CCDC157: variants seen among roughly 807,000 people sequenced by gnomAD.
The protein encoded by CCDC157 is coiled-coil domain-containing protein 157.
Under a neutral mutation model 70.9 loss-of-function variants are expected in CCDC157, and 60 were observed. The observed-to-expected ratio is 0.85, with a 90% confidence interval of 0.69 to 1.05. The LOEUF is 1.05. Among genes scored for constraint, CCDC157 ranks in the 50% least tolerant of loss-of-function variants. CCDC157 has a pLI of 0.00. For synonymous variants in CCDC157, 373 were observed against 422.4 expected, an observed-to-expected ratio of 0.88 and a Z score of 1.43; for missense variants, 943 against 984.2, an observed-to-expected ratio of 0.96 and a Z score of 0.56.
chr22:30,366,258 T>C lies in CCDC157; in HGVS notation c.248+10T>C. 6.2e-7 allele frequency: 1 copy of C among 1,613,562 alleles called. No homozygotes were observed. Among genetic ancestry groups the C allele is most frequent in the Non-Finnish European group, 8.5e-7 (1 of 1,179,760 alleles). On this transcript the variant is annotated intron_variant, in intron 3 of 11. Transcript: ENST00000338306. ...AGCTGGTCATCGACAGGTGAGGGCC[T>C]TGACCAAGCCTGGTCATCTCAGGAT...
In CCDC157 at chr22:30,377,926, C is replaced by T. The variant is rs529360873; in HGVS notation, c.*1181C>T. 1.7e-4 allele frequency: 58 copies of T among 346,080 alleles called. No individual in the cohort carries two copies. The Admixed American group carries it at 1.9e-3, about 11-fold the overall frequency. 21.4% of individuals were successfully genotyped at this position (346,080 alleles called of 1,614,324 possible). A position where few individuals can be genotyped will look rare whatever the true frequency, so the allele number is the denominator to read the frequency against. On this transcript the variant is annotated 3_prime_UTR_variant, in exon 12 of 12. Coordinates refer to ENST00000338306, the MANE Select transcript of CCDC157 (RefSeq NM_001017437.5). The stretch of plus-strand genomic sequence containing the variant: ...TCTGTGTGGCTGGGTTTTTTTGCTC[C>T]GGGTCCCAGAGGGCTGAAATTGAGG...
chr22:30,372,487 GC>G, intron 7 of CCDC157: 1 of 653,162 alleles, frequency 1.5e-6, no homozygotes, highest in Non-Finnish European at 2.4e-6. Flanking sequence ...GACTGATACT[GC>G]CCAGTGAGGC....
chr22:30,367,423 A>C (rs1169460923), intron 3 of CCDC157, among the ~76,000 whole-genome samples: 2 of 152,002 alleles, frequency 1.3e-5, no homozygotes, highest in African/African-American at 4.8e-5. Context: ...TTTTTAGTGG[A>C]GACGGGGTTT....
upstream of CCDC157, chr22:30,356,943 G>T: frequency 1.6e-6 from 1 of 612,294 alleles, no homozygotes; most frequent in Non-Finnish European, 2.4e-6. Context: ...CGCACTTCCG[G>T]GACCGTCCCC....
chr22:30,358,918 T>G (rs1429616994), intron 1 of CCDC157, among the ~76,000 whole-genome samples: 1 of 152,240 alleles, frequency 6.6e-6, no homozygotes, highest in Non-Finnish European at 1.5e-5. Context: ...TCTTAAACTA[T>G]GCTTGTATCT....
chr22:30,375,829 T>C, intron 10 of CCDC157, 166 bp downstream of exon 10: 1 of 645,074 alleles, frequency 1.6e-6, no homozygotes, highest in South Asian at 2.0e-5. Flanking sequence ...CGTGAGGATG[T>C]TATGGATCCG....
At chr22:30,369,365 G>A (rs1006441494) in intron 3 of CCDC157, 67 bp from the exon 4 acceptor site, 19 of 1,323,432 alleles carry the variant, frequency 1.4e-5, no homozygotes, top group East Asian at 2.8e-5. Context: ...CCAGAGCTGC[G>A]GTTGTATGGT....
intron 9 of CCDC157, chr22:30,374,592 C>G: frequency 4.4e-6 from 2 of 457,480 alleles, no homozygotes; most frequent in Non-Finnish European, 8.8e-6. Context: ...CCTCCAGACC[C>G]CTAAAGCACT....
intron 7 of CCDC157, chr22:30,372,588 C>A: frequency 3.3e-6 from 1 of 302,858 alleles, no homozygotes. Context: ...GAGGGATGGC[C>A]ACATCTGCCA....
At chr22:30,358,778 C>T (rs1352660349) in intron 1 of CCDC157, among the ~76,000 whole-genome samples, 1 of 152,216 alleles carries the variant, frequency 6.6e-6, no homozygotes, top group Admixed American at 6.5e-5. Context: ...TCAATTAGTG[C>T]TGTCACCTAT....
chr22:30,373,493 G>T lies in CCDC157; in HGVS notation c.1336-104G>T, dbSNP rs1933092521. The T allele has an allele frequency of 1.4e-5, 18 of 1,274,244 alleles. No individual in the cohort carries two copies. The East Asian group carries it at 4.3e-4, about 31-fold the overall frequency. 78.9% of individuals were successfully genotyped at this position (1,274,244 alleles called of 1,614,324 possible). On this transcript the variant is annotated intron_variant, in intron 7 of 11. Coordinates refer to ENST00000338306, the MANE Select transcript of CCDC157 (RefSeq NM_001017437.5). ...TAGACACAGACACACACCCCAGGGGGGTAGCAGCCGAGGGGTAGTAGATGC... is the reference window on the plus strand; with the variant it reads ...TAGACACAGACACACACCCCAGGGGTGTAGCAGCCGAGGGGTAGTAGATGC...
Position 30,373,769 on chromosome 22 carries a change from G to A in CCDC157, c.1503+5G>A, listed in dbSNP as rs1348167233. On this transcript the variant is annotated splice_donor_5th_base_variant and intron_variant, in intron 8 of 11. Coordinates refer to ENST00000338306, the MANE Select transcript of CCDC157 (RefSeq NM_001017437.5). ...TGCCAGCTCAGGGCCCAGCAGGTGA[G>A]GGTGGGGGTCTTCCTTTTTGCCAGA... 4 of 1,546,948 alleles carry A rather than the reference G, an allele frequency of 2.6e-6. No individual in the cohort carries two copies. The highest frequency in any genetic ancestry group is 2.6e-6 in the Non-Finnish European group (3 of 1,144,714).
chr22:30,373,803 C>A (rs773532163), intron 8 of CCDC157, 39 bp downstream of exon 8: 5 of 1,534,646 alleles, frequency 3.3e-6, no homozygotes, highest in Non-Finnish European at 4.4e-6. Flanking sequence ...GAGAAGTCTC[C>A]GGCCAACTGA....
Position 30,370,946 on chromosome 22 carries a change from C to A in CCDC157, c.1041C>A (p.Leu347=). The A allele has an allele frequency of 6.2e-7, 1 of 1,606,942 alleles. No homozygotes were observed. Among genetic ancestry groups the A allele is most frequent in the South Asian group, 1.1e-5 (1 of 90,228 alleles). The change falls in exon 5 of 12, where the codon CTC becomes CTA. Residue 347 remains leucine (L), a synonymous_variant. Coordinates refer to ENST00000338306, the MANE Select transcript of CCDC157 (RefSeq NM_001017437.5). ...SEWEHDKQQL[L]TETSDLKTKM... is the part of the protein sequence containing the mutation. Reference sequence around the variant, plus strand: ...GGGAGCACGACAAACAGCAGCTGCTCACAGGTCTGTGCCCCAGAGGCCAGA... The same window carrying A: ...GGGAGCACGACAAACAGCAGCTGCTAACAGGTCTGTGCCCCAGAGGCCAGA...
intron 3 of CCDC157, 143 bp from the exon 4 acceptor site, chr22:30,369,289 A>G: frequency 1.4e-6 from 1 of 706,814 alleles, no homozygotes; most frequent in Non-Finnish European, 2.1e-6. Context: ...TTAGGTTTGA[A>G]GCTGGCCCAG....
At chr22:30,362,881 G>A (rs557191008) in intron 2 of CCDC157, among the ~76,000 whole-genome samples, 2 of 152,306 alleles carry the variant, frequency 1.3e-5, no homozygotes, top group South Asian at 4.1e-4. Context: ...GAGGGTGGTT[G>A]GTGGGGAGGA....
At position 30,369,511 on chromosome 22, in the gene CCDC157, G is replaced by A; in HGVS notation, c.328G>A (p.Ala110Thr). 1 of 1,608,026 alleles carries A rather than the reference G, an allele frequency of 6.2e-7. No individual in the cohort carries two copies. The highest frequency in any genetic ancestry group is 2.3e-5 in the East Asian group (1 of 44,310). ...SEQMMPPAQA[A>T]GPCMSVGLTV... The stretch of plus-strand genomic sequence containing the variant: ...GCAGATGATGCCCCCTGCACAGGCT[G>A]CGGGGCCCTGCATGTCCGTGGGGCT... Residue 110 changes from alanine to threonine, a missense_variant, in exon 4 of 12, where the codon GCG becomes ACG. Ala to Thr is a moderately conservative substitution (Grantham distance 58). Transcript: ENST00000338306.
At position 30,370,874 on chromosome 22, in the gene CCDC157, G is replaced by A. The variant is rs1932907309; in HGVS notation, c.969G>A (p.Gly323=). Residue 323 remains glycine (G), a synonymous_variant, in exon 5 of 12, where the codon GGG becomes GGA. Coordinates refer to ENST00000338306, the MANE Select transcript of CCDC157 (RefSeq NM_001017437.5). The stretch of plus-strand genomic sequence containing the variant: ...AGCAGGCGCTGAAACAGGAGCAGGG[G>A]GCACGGCGGCGACAGGCGGAGGAGG... ...KLEQALKQEQ[G]ARRRQAEEDE... The A allele has an allele frequency of 6.2e-7, 1 of 1,611,946 alleles. No individual in the cohort carries two copies. Among genetic ancestry groups the A allele is most frequent in the Non-Finnish European group, 8.5e-7 (1 of 1,179,950 alleles).
chr22:30,358,261 A>T (rs1184616312), intron 1 of CCDC157, among the ~76,000 whole-genome samples: 1 of 152,214 alleles, frequency 6.6e-6, no homozygotes, highest in Non-Finnish European at 1.5e-5. Context: ...AATGTAGAAT[A>T]ATGATAGCTG....
Sources: gnomAD v4.1 joint callset for allele counts (sites outside exome capture counted in the v4.1 genomes callset) on GRCh38, gnomAD v4.1.1 for gene constraint, MANE v1.5 for transcripts, NCBI Gene and HGNC (gene_info 2026-07-23, HGNC 2026-07-21) for gene names.